Variants in HPSE2 observed in about 807,000 individuals in gnomAD.
HPSE2 encodes inactive heparanase-2.
HPSE2 carries 38 observed loss-of-function variants against 60.5 expected under a neutral mutation model. The ratio of observed to expected loss-of-function variants is 0.63; its 90% confidence interval spans 0.48 to 0.82. The LOEUF (loss-of-function observed/expected upper bound fraction) is 0.82. HPSE2 is among the 40% of genes least tolerant of loss of function. The pLI is 0.00. For missense variants in HPSE2, 713 were observed against 740.4 expected (o/e 0.96, Z 0.43); for synonymous variants, 295 against 293.2 (o/e 1.01, Z -0.06).
At chr10:98,463,414 A>C (rs1195247476) in intron 11 of HPSE2, among the ~76,000 whole-genome samples, 1 of 152,264 alleles carries the variant, frequency 6.6e-6, no homozygotes, top group Non-Finnish European at 1.5e-5. Context: ...AAGATGACGA[A>C]TGAAAAAATA....
intron 2 of HPSE2, among the ~76,000 whole-genome samples, chr10:99,195,101 C>T (rs929779432): frequency 3.5e-4 from 53 of 152,034 alleles, no homozygotes; most frequent in African/African-American, 1.3e-3. Context: ...CAGTATGATA[C>T]ATCATGTCAA....
intron 2 of HPSE2, among the ~76,000 whole-genome samples, chr10:99,158,480 A>C (rs1048114179): frequency 6.4e-5 from 8 of 125,694 alleles, no homozygotes; most frequent in Non-Finnish European, 1.2e-4. Flanking sequence ...GGAAATCATC[A>C]TTCTCAGTAA....
At chr10:98,676,855 ACT>A (rs1278987544) in intron 6 of HPSE2, among the ~76,000 whole-genome samples, 2 of 143,552 alleles carry the variant, frequency 1.4e-5, no homozygotes, top group Non-Finnish European at 3.1e-5. Flanking sequence ...AAAACAAATC[ACT>A]CTTTTTGCTT....
intron 3 of HPSE2, among the ~76,000 whole-genome samples, chr10:98,840,395 A>G (rs1951882407): frequency 1.3e-5 from 2 of 152,248 alleles, no homozygotes; most frequent in African/African-American, 4.8e-5. Flanking sequence ...AAGTATGAAG[A>G]AAGAATAAAT....
intron 3 of HPSE2, among the ~76,000 whole-genome samples, chr10:98,882,104 C>T (rs1231495505): frequency 3.9e-5 from 6 of 151,996 alleles, no homozygotes; most frequent in Non-Finnish European, 8.8e-5. Context: ...CTCCTACACT[C>T]CTGCCTTTCT....
the HPSE2 span, among the ~76,000 whole-genome samples, chr10:99,287,802 CA>C: frequency 1.1e-4 from 16 of 152,180 alleles, no homozygotes; most frequent in African/African-American, 3.9e-4. Context: ...ATTACTTTGC[CA>C]AAGTTGCTTA....
intron 6 of HPSE2, among the ~76,000 whole-genome samples, chr10:98,652,496 C>T (rs1946944994): frequency 6.6e-6 from 1 of 152,196 alleles, no homozygotes; most frequent in African/African-American, 2.4e-5. Context: ...ACCACTTGTC[C>T]AATCCTACCT....
At chr10:98,887,939 T>TAAAAC (rs2134914399) in intron 3 of HPSE2, among the ~76,000 whole-genome samples, 1 of 138,452 alleles carries the variant, frequency 7.2e-6, no homozygotes, top group South Asian at 2.3e-4. Context: ...AATAATAAAA[T>TAAAAC]AAAAAATTAA....
intron 3 of HPSE2, among the ~76,000 whole-genome samples, chr10:98,794,209 A>G (rs566891827): frequency 6.6e-6 from 1 of 151,948 alleles, no homozygotes; most frequent in Non-Finnish European, 1.5e-5. Flanking sequence ...TTTATAGAAA[A>G]GTTATTGAGA....
intron 9 of HPSE2, among the ~76,000 whole-genome samples, chr10:98,611,690 T>C (rs1945765514): frequency 6.6e-6 from 1 of 152,158 alleles, no homozygotes; most frequent in South Asian, 2.1e-4. Context: ...CCTTGTAAAT[T>C]CCTTCCAGGG....
intron 3 of HPSE2, among the ~76,000 whole-genome samples, chr10:98,872,711 C>G (rs1039171453): frequency 6.6e-6 from 1 of 152,090 alleles, no homozygotes; most frequent in Non-Finnish European, 1.5e-5. Flanking sequence ...CTTGCCATAG[C>G]TGACTAGAAT....
chr10:98,501,778 A>C (rs756975305), intron 9 of HPSE2, among the ~76,000 whole-genome samples: 2 of 152,202 alleles, frequency 1.3e-5, no homozygotes, highest in Non-Finnish European at 1.5e-5. Context: ...TGATGATATG[A>C]TCGTTTACTT....
chr10:99,164,708 T>C (rs769325970), intron 2 of HPSE2, among the ~76,000 whole-genome samples: 2 of 152,198 alleles, frequency 1.3e-5, no homozygotes, highest in Non-Finnish European at 2.9e-5. Flanking sequence ...GACACTCTAG[T>C]CCAACTCCAA....
intron 2 of HPSE2, 76 bp downstream of exon 2, chr10:99,232,272 C>A: frequency 6.7e-7 from 1 of 1,486,608 alleles, no homozygotes; most frequent in Admixed American, 2.0e-5. Flanking sequence ...CACAGACACA[C>A]GAACACACAG....
At chr10:98,803,996 A>C (rs978921742) in intron 3 of HPSE2, among the ~76,000 whole-genome samples, 13 of 151,418 alleles carry the variant, frequency 8.6e-5, no homozygotes, top group African/African-American at 2.4e-4. Context: ...CTTTTATTTC[A>C]TTGAGCAGTG....
At chr10:99,282,236 G>A in the HPSE2 span, among the ~76,000 whole-genome samples, 1 of 151,956 alleles carries the variant, frequency 6.6e-6, no homozygotes, top group Admixed American at 6.6e-5. Flanking sequence ...TCCAGCCTGG[G>A]CAACAGCACA....
chr10:98,781,061 T>C (rs994030836), intron 3 of HPSE2, among the ~76,000 whole-genome samples: 1 of 152,018 alleles, frequency 6.6e-6, no homozygotes, highest in Non-Finnish European at 1.5e-5. Flanking sequence ...CATCACGATA[T>C]GTAGGAAGCC....
At chr10:99,119,174 G>T (rs1844847163) in intron 3 of HPSE2, among the ~76,000 whole-genome samples, 1 of 151,772 alleles carries the variant, frequency 6.6e-6, no homozygotes, top group Non-Finnish European at 1.5e-5. Context: ...GTTTACAGTT[G>T]ACATGATTCT....
chr10:99,113,840 T>G (rs962714904), intron 3 of HPSE2, among the ~76,000 whole-genome samples: 1 of 147,468 alleles, frequency 6.8e-6, no homozygotes, highest in African/African-American at 2.5e-5. Context: ...GTAATTTAGG[T>G]TTTTTTTTTG....
Sources: gnomAD v4.1 joint callset for allele counts (sites outside exome capture counted in the v4.1 genomes callset) on GRCh38, gnomAD v4.1.1 for gene constraint, MANE v1.5 for transcripts, NCBI Gene and HGNC (gene_info 2026-07-23, HGNC 2026-07-21) for gene names.